BPTF: variants seen among roughly 807,000 people sequenced by gnomAD.
The protein encoded by BPTF is bromodomain PHD finger transcription factor, also known as nucleosome-remodeling factor subunit BPTF.
Under a neutral mutation model 292.5 loss-of-function variants are expected in BPTF, and 18 were observed. That is an observed-to-expected ratio of 0.06 (90% CI 0.04 to 0.09). The LOEUF (loss-of-function observed/expected upper bound fraction) is 0.09. Among genes scored for constraint, BPTF ranks in the 10% least tolerant of loss-of-function variants. BPTF has a pLI of 1.00. For missense variants in BPTF, 2,726 were observed against 3,498.7 expected (o/e 0.78, Z 5.57); for synonymous variants, 1,225 against 1,251.9 (o/e 0.98, Z 0.45).
intron 26 of BPTF, among the ~76,000 whole-genome samples, chr17:67,973,104 G>T (rs1312535553): frequency 1.4e-5 from 2 of 147,256 alleles, no homozygotes; most frequent in Non-Finnish European, 3.0e-5. Context: ...GCCAGGCACG[G>T]TGGCTCACGC....
chr17:67,853,796 A>G (rs1374397583), intron 1 of BPTF, 144 bp from the exon 2 acceptor site: 5 of 654,750 alleles, frequency 7.6e-6, no homozygotes, highest in Non-Finnish European at 2.6e-6. Context: ...TTAGAGCTGA[A>G]TCATTGCTTC....
chr17:67,965,460 G>C (rs2067996209), intron 25 of BPTF: 1 of 151,872 alleles, frequency 6.6e-6, no homozygotes. Context: ...CACTGTGGGA[G>C]GCCAAGGCAG....
chr17:67,935,534 A>G (rs369533640), intron 18 of BPTF, among the ~76,000 whole-genome samples: 17 of 152,310 alleles, frequency 1.1e-4, no homozygotes, highest in African/African-American at 3.8e-4. Context: ...TTGCAAGTCT[A>G]ATCTAGGGAA....
chr17:67,844,783 G>GTCTTGTTT, intron 1 of BPTF, among the ~76,000 whole-genome samples: 1 of 151,784 alleles, frequency 6.6e-6, no homozygotes, highest in Non-Finnish European at 1.5e-5. Context: ...CACTCTTGTT[G>GTCTTGTTT]CCCAGGCTGG....
intron 23 of BPTF, chr17:67,951,277 A>C (rs1555678421): frequency 6.6e-6 from 1 of 152,112 alleles, no homozygotes; most frequent in Non-Finnish European, 1.5e-5. Context: ...GCTCTCTAGG[A>C]GCCTCCAGCC....
intron 2 of BPTF, among the ~76,000 whole-genome samples, chr17:67,864,147 G>T (rs1404797887): frequency 6.6e-6 from 1 of 152,132 alleles, no homozygotes; most frequent in Non-Finnish European, 1.5e-5. Flanking sequence ...GTATATTTAT[G>T]TGGAAAGCTG....
chr17:67,941,548 A>G (rs1555671969), intron 19 of BPTF, among the ~76,000 whole-genome samples: 2 of 152,334 alleles, frequency 1.3e-5, no homozygotes, highest in African/African-American at 2.4e-5. Flanking sequence ...AACAGTAGAG[A>G]GTGCAGAACA....
chr17:67,963,480 C>T (rs1555685092), intron 24 of BPTF: 2 of 1,534,716 alleles, frequency 1.3e-6, no homozygotes, highest in Non-Finnish European at 1.7e-6. Flanking sequence ...TGTACTGTAT[C>T]TGCAGAACAC....
intron 17 of BPTF, among the ~76,000 whole-genome samples, chr17:67,929,904 T>A (rs2064220772): frequency 6.6e-6 from 1 of 152,042 alleles, no homozygotes; most frequent in Non-Finnish European, 1.5e-5. Context: ...TCACTTGAGC[T>A]CAGGAGTACA....
intron 18 of BPTF, among the ~76,000 whole-genome samples, chr17:67,937,972 G>A (rs763152124): frequency 1.2e-4 from 19 of 152,090 alleles, no homozygotes; most frequent in Non-Finnish European, 2.4e-4. Flanking sequence ...AAAATAGCCG[G>A]GCATGGTGGC....
intron 21 of BPTF, among the ~76,000 whole-genome samples, chr17:67,947,240 C>T (rs959410901): frequency 6.6e-6 from 1 of 151,980 alleles, no homozygotes; most frequent in Non-Finnish European, 1.5e-5. Flanking sequence ...GTATTATTAC[C>T]CAGCTTTACT....
chr17:67,857,925 C>T (rs775235302), intron 2 of BPTF, among the ~76,000 whole-genome samples: 1 of 151,732 alleles, frequency 6.6e-6, no homozygotes, highest in Non-Finnish European at 1.5e-5. Context: ...GTAGCTGGGA[C>T]TACAGGCATG....
chr17:67,940,581 C>G lies in BPTF; in HGVS notation c.6402C>G (p.Ala2134=). 1 of 1,614,118 alleles carries G rather than the reference C, an allele frequency of 6.2e-7. No homozygotes were observed. Among genetic ancestry groups the G allele is most frequent in the Non-Finnish European group, 8.5e-7 (1 of 1,180,034 alleles). The change falls in exon 19 of 28, where the codon GCC becomes GCG. Residue 2134 remains alanine, a synonymous_variant. Transcript: ENST00000306378. ...ATSTSNIQSS[A]SQPPRPQQGQ... is the part of the protein sequence containing the mutation. ...CCACTTCAAATATACAGTCTTCAGC[C>G]TCACAACCCCCTCGCCCCCAACAAG...
In BPTF at chr17:67,983,334, G is replaced by A. The variant is rs1555697738; in HGVS notation, c.*1046G>A. On this transcript the variant is annotated 3_prime_UTR_variant, in exon 28 of 28. Coordinates refer to ENST00000306378, the MANE Select transcript of BPTF (RefSeq NM_182641.4). ...TCACGTCAGAGAAAAATCTTCAGGG[G>A]TGCTAATCCTGTTGCATCAGTTGAT... The A allele has an allele frequency of 6.6e-6, 1 of 152,572 alleles. No homozygotes were observed. 9.5% of individuals were successfully genotyped at this position (152,572 alleles called of 1,614,324 possible). A position where few individuals can be genotyped will look rare whatever the true frequency, so the allele number is the denominator to read the frequency against.
intron 18 of BPTF, among the ~76,000 whole-genome samples, chr17:67,933,824 C>T (rs1568111866): frequency 6.6e-6 from 1 of 152,112 alleles, no homozygotes; most frequent in African/African-American, 2.4e-5. Context: ...TCCAGGAGGC[C>T]GAGATGGGCA....
intron 1 of BPTF, among the ~76,000 whole-genome samples, chr17:67,852,060 G>T (rs1463238341): frequency 2.0e-5 from 3 of 151,952 alleles, no homozygotes; most frequent in African/African-American, 4.8e-5. Context: ...GACTTGACTT[G>T]CTAATACTAA....
At position 67,886,066 on chromosome 17, in the gene BPTF, C is replaced by G. The variant is rs1179887908; in HGVS notation, c.1865-5778C>G. 2.4e-6 allele frequency: 3 copies of G among 1,233,832 alleles called. No individual in the cohort carries two copies. The East Asian group carries it at 7.0e-5, about 29-fold the overall frequency. The allele number at this position is 1,233,832 out of a possible 1,614,324, so 76.4% of individuals were successfully genotyped here. ...TGAAATCCTAAAACAATTGTCTTTTCTGACAATTCGTCATTTTTCATGTGA... is the reference window on the plus strand; with the variant it reads ...TGAAATCCTAAAACAATTGTCTTTTGTGACAATTCGTCATTTTTCATGTGA... On this transcript the variant is annotated intron_variant, in intron 4 of 27. Transcript: ENST00000306378.
At chr17:67,833,728 C>T (rs980460379) in intron 1 of BPTF, among the ~76,000 whole-genome samples, 1 of 152,012 alleles carries the variant, frequency 6.6e-6, no homozygotes, top group Non-Finnish European at 1.5e-5. Flanking sequence ...GCCACCATGC[C>T]TGGCTAATTT....
chr17:67,845,034 C>A (rs902303199), intron 1 of BPTF, among the ~76,000 whole-genome samples: 1 of 152,194 alleles, frequency 6.6e-6, no homozygotes, highest in African/African-American at 2.4e-5. Context: ...TGAGCCACTG[C>A]GCCCAGCCTG....
Sources: gnomAD v4.1 joint callset for allele counts (sites outside exome capture counted in the v4.1 genomes callset) on GRCh38, gnomAD v4.1.1 for gene constraint, MANE v1.5 for transcripts, NCBI Gene and HGNC (gene_info 2026-07-23, HGNC 2026-07-21) for gene names.